The following PMPCA variants were observed in gnomAD, a reference collection of about 807,000 sequenced individuals.
The protein encoded by PMPCA is peptidase, mitochondrial processing subunit alpha, also known as mitochondrial-processing peptidase subunit alpha.
In PMPCA, 47 loss-of-function variants were observed where a neutral mutation model predicts 59.3. That is an observed-to-expected ratio of 0.79 (90% CI 0.63 to 1.01). The LOEUF is 1.01. Ranked by LOEUF, PMPCA falls within the 50% of genes least tolerant of loss-of-function variation. The pLI is 0.00. For synonymous variants in PMPCA, 338 were observed against 290.3 expected (o/e 1.16, Z -1.67); for missense variants, 726 against 704.5 (o/e 1.03, Z -0.34).
chr9:136,413,654 G>T (rs1835196072), intron 4 of PMPCA, among the ~76,000 whole-genome samples: 1 of 152,182 alleles, frequency 6.6e-6, no homozygotes, highest in Non-Finnish European at 1.5e-5. Context: ...CCTGCCTGGT[G>T]TGTTTGATTC....
chr9:136,412,100 G>C lies in PMPCA; in HGVS notation c.175G>C (p.Val59Leu). 1.2e-6 allele frequency: 2 copies of C among 1,613,702 alleles called. No homozygotes were observed. The highest frequency in any genetic ancestry group is 1.7e-6 in the Non-Finnish European group (2 of 1,179,646). Residue 59 changes from valine (V) to leucine (L), a missense_variant, in exon 2 of 13, where the codon GTT (valine) becomes CTT (leucine). Coordinates refer to ENST00000371717, the MANE Select transcript of PMPCA (RefSeq NM_015160.3). ...AGTACCCAAGCCTGTTTTTGCTACA[G>C]TTGATGGACAGGAAAAGTTTGAAAC... ...PGVPKPVFAT[V>L]DGQEKFETKV... is the part of the protein sequence containing the mutation.
At position 136,423,566 on chromosome 9, in the gene PMPCA, G is replaced by A. The variant is rs1835523752; in HGVS notation, c.*302G>A. 1.7e-5 allele frequency: 6 copies of A among 345,626 alleles called. No homozygotes were observed. The South Asian group carries it at 1.9e-4, about 11-fold the overall frequency. The allele number at this position is 345,626 out of a possible 1,614,324, so 21.4% of individuals were successfully genotyped here. On this transcript the variant is annotated 3_prime_UTR_variant, in exon 13 of 13. Coordinates refer to ENST00000371717, the MANE Select transcript of PMPCA (RefSeq NM_015160.3). ...TCGGGCTGTGGGCACATGGGGCCCC[G>A]CAGGTTCCTTGGAGGAGCCCTGAGC...
In PMPCA at chr9:136,410,850, C is replaced by T. The variant is rs1835078905; in HGVS notation, c.71+111C>T. The T allele has an allele frequency of 9.0e-6, 8 of 886,530 alleles. No individual in the cohort carries two copies. In the Admixed American group the frequency reaches 1.3e-4, roughly 14 times the overall value. 54.9% of individuals were successfully genotyped at this position (886,530 alleles called of 1,614,324 possible). ...ACATGGCGCCCGTGGGACGGGCTCG[C>T]ACTTCGGGACACTGGTGTCCCCGAG... On this transcript the variant is annotated intron_variant, in intron 1 of 12. Transcript: ENST00000371717.
At chr9:136,412,419 A>T in intron 2 of PMPCA, 71 bp from the exon 3 acceptor site, 1 of 852,808 alleles carries the variant, frequency 1.2e-6, no homozygotes, top group South Asian at 1.5e-5. Context: ...TTGACATCTT[A>T]AAATGTTTCT....
At chr9:136,422,939 A>G in intron 12 of PMPCA, 156 bp from the exon 13 acceptor site, 1 of 1,440,254 alleles carries the variant, frequency 6.9e-7, no homozygotes, top group Non-Finnish European at 9.1e-7. Flanking sequence ...ACCCTTGGCT[A>G]CACCCAGTGG....
At chr9:136,422,403 G>C (rs1042650611) in intron 12 of PMPCA, 3 of 1,130,288 alleles carry the variant, frequency 2.7e-6, no homozygotes, top group African/African-American at 3.3e-5. Context: ...GCCCCCATGA[G>C]TGACCTTAGG....
chr9:136,412,261 A>G, intron 2 of PMPCA, 62 bp downstream of exon 2: 3 of 1,192,752 alleles, frequency 2.5e-6, no homozygotes, highest in Non-Finnish European at 3.8e-6. Context: ...GCTTTAGTTG[A>G]CTGTTAGTTG....
At chr9:136,421,614 C>G (rs1835453162) in intron 11 of PMPCA, among the ~76,000 whole-genome samples, 1 of 152,014 alleles carries the variant, frequency 6.6e-6, no homozygotes, top group Non-Finnish European at 1.5e-5. Context: ...GGGTTTCACT[C>G]TGTTAGCCAG....
chr9:136,413,390 T>C (rs1469850605), intron 4 of PMPCA, among the ~76,000 whole-genome samples: 1 of 152,064 alleles, frequency 6.6e-6, no homozygotes, highest in African/African-American at 2.4e-5. Context: ...GAGGGGGCAG[T>C]GTTGCCTCGA....
intron 1 of PMPCA, 73 bp downstream of exon 1, chr9:136,410,812 G>A: frequency 8.1e-7 from 1 of 1,235,096 alleles, no homozygotes; most frequent in Admixed American, 4.1e-5. Context: ...TCCGTCTTCG[G>A]TTTCTACAGG....
intron 11 of PMPCA, chr9:136,420,282 CT>C (rs1835413528): frequency 6.6e-6 from 1 of 151,656 alleles, no homozygotes; most frequent in East Asian, 1.9e-4. Context: ...ATTCTCCTAC[CT>C]CAGCCTCCTG....
chr9:136,414,408 A>T, intron 4 of PMPCA, 145 bp from the exon 5 acceptor site: 1 of 635,960 alleles, frequency 1.6e-6, no homozygotes, highest in Non-Finnish European at 2.9e-6. Context: ...TGGCATGCAA[A>T]GCCCAAGTGT....
At chr9:136,418,529 G>C (rs750631589) in intron 8 of PMPCA, 26 bp from the exon 9 acceptor site, 5 of 1,460,336 alleles carry the variant, frequency 3.4e-6, no homozygotes, top group Non-Finnish European at 2.9e-6. Flanking sequence ...GGGTGGTTCA[G>C]CCAGCTCTGC....
At chr9:136,420,927 A>G (rs547254046) in intron 11 of PMPCA, 18 of 151,488 alleles carry the variant, frequency 1.2e-4, no homozygotes, top group African/African-American at 3.4e-4. Context: ...CCCTGTGTCT[A>G]TTTAAGAAAA....
chr9:136,413,132 G>C (rs1264456347), intron 4 of PMPCA, among the ~76,000 whole-genome samples: 4 of 152,238 alleles, frequency 2.6e-5, no homozygotes, highest in Non-Finnish European at 5.9e-5. Context: ...GGGATGTAGA[G>C]CAGGCCCTGT....
Position 136,421,812 on chromosome 9 carries a change from T to A in PMPCA, c.1264-20T>A. 6.4e-7 allele frequency: 1 copy of A among 1,572,030 alleles called. No homozygotes were observed. The highest frequency in any genetic ancestry group is 2.3e-5 in the East Asian group (1 of 44,330). On this transcript the variant is annotated intron_variant, in intron 11 of 12. Coordinates refer to ENST00000371717, the MANE Select transcript of PMPCA (RefSeq NM_015160.3). ...GGCACGGGGCGGGTGTGTGCTCACC[T>A]GACTGGACCCTGGCCCCAGGTGGAG...
chr9:136,411,902 T>C, intron 1 of PMPCA, 95 bp from the exon 2 acceptor site: 1 of 757,572 alleles, frequency 1.3e-6, no homozygotes, highest in Non-Finnish European at 2.4e-6. Flanking sequence ...ATGCTCACTT[T>C]TAACCCAGAC....
At chr9:136,421,792 G>A (rs774227602) in intron 11 of PMPCA, 40 bp from the exon 12 acceptor site, 7 of 1,526,936 alleles carry the variant, frequency 4.6e-6, no homozygotes, top group Non-Finnish European at 6.2e-6. Flanking sequence ...AAGGTGGCAC[G>A]GGGCGGGTGT....
At position 136,410,722 on chromosome 9, in the gene PMPCA, G is replaced by C; in HGVS notation, c.54G>C (p.Trp18Cys). The C allele has an allele frequency of 1.4e-6, 2 of 1,432,028 alleles. No homozygotes were observed. The highest frequency in any genetic ancestry group is 3.1e-5 in the South Asian group (2 of 63,838). The allele number at this position is 1,432,028 out of a possible 1,614,324, so 88.7% of individuals were successfully genotyped here. Residue 18 changes from tryptophan (W) to cysteine (C), a missense_variant, in exon 1 of 13, where the codon TGG becomes TGC. Coordinates refer to ENST00000371717, the MANE Select transcript of PMPCA (RefSeq NM_015160.3). ...ATRLLRGSGS[W>C]GCSRLRFGPP... ...GGTTGCTGCGGGGCTCGGGTTCTTGGGGCTGTTCGCGGCTGAGGTGAGCCA... is the reference window on the plus strand; with the variant it reads ...GGTTGCTGCGGGGCTCGGGTTCTTGCGGCTGTTCGCGGCTGAGGTGAGCCA...
Sources: gnomAD v4.1 joint callset for allele counts (sites outside exome capture counted in the v4.1 genomes callset) on GRCh38, gnomAD v4.1.1 for gene constraint, MANE v1.5 for transcripts, NCBI Gene and HGNC (gene_info 2026-07-23, HGNC 2026-07-21) for gene names.